Variants in OR14I1 observed in about 807,000 individuals in gnomAD.
The protein encoded by OR14I1 is olfactory receptor family 14 subfamily I member 1.
For synonymous variants in OR14I1, 118 were observed against 71.1 expected (o/e 1.66, Z -3.32); for missense variants, 279 against 181.8 (o/e 1.53, Z -3.07).
downstream of OR14I1, among the ~76,000 whole-genome samples, chr1:248,681,152 GTACTTTTA>G (rs199666933): frequency 0.01 from 1,567 of 151,866 alleles, 35 homozygotes; most frequent in African/African-American, 0.034. Context: ...TTTTATGAAG[GTACTTTTA>G]TACTTTTATA....
chr1:248,698,164 G>A, the OR14I1 span, among the ~76,000 whole-genome samples: 1 of 152,172 alleles, frequency 6.6e-6, no homozygotes, highest in East Asian at 1.9e-4. Context: ...TAACCATGTT[G>A]GTTGGTCTCT....
At chr1:248,695,180 ATTAC>A in the OR14I1 span, among the ~76,000 whole-genome samples, 2 of 149,636 alleles carry the variant, frequency 1.3e-5, no homozygotes, top group Admixed American at 6.6e-5. Flanking sequence ...AATTTTCAAA[ATTAC>A]TTTTTAAAGT....
the OR14I1 span, among the ~76,000 whole-genome samples, chr1:248,687,497 G>A: frequency 2.5e-3 from 378 of 150,966 alleles, 4 homozygotes; most frequent in South Asian, 0.012. Context: ...CACTAAATAC[G>A]ATCATTTGAA....
the OR14I1 span, chr1:248,692,906 CT>C: frequency 6.6e-6 from 1 of 152,318 alleles, no homozygotes; most frequent in Middle Eastern, 3.4e-3. Flanking sequence ...GTTTGTCTGT[CT>C]TTCTCCAGAG....
chr1:248,699,156 G>T, the OR14I1 span: 1 of 152,128 alleles, frequency 6.6e-6, no homozygotes, highest in Admixed American at 6.5e-5. Context: ...ATATTCAGTT[G>T]TCCATTTGTT....
chr1:248,702,284 C>CA, the OR14I1 span, among the ~76,000 whole-genome samples: 217 of 152,214 alleles, frequency 1.4e-3, 1 homozygote, highest in African/African-American at 5.0e-3. Context: ...CCTGTAATAT[C>CA]AAAAAACAAT....
upstream of OR14I1, among the ~76,000 whole-genome samples, chr1:248,686,650 CAT>C (rs752073090): frequency 8.2e-6 from 1 of 122,538 alleles, no homozygotes; most frequent in Admixed American, 7.8e-5. Flanking sequence ...TTTAAGCAAA[CAT>C]GTCTTGATTT....
chr1:248,702,392 A>G, the OR14I1 span, among the ~76,000 whole-genome samples: 21 of 152,188 alleles, frequency 1.4e-4, no homozygotes, highest in African/African-American at 4.8e-4. Context: ...CACTCTACAC[A>G]AGTGCTCCCT....
chr1:248,678,602 A>T (rs1256857069), downstream of OR14I1, among the ~76,000 whole-genome samples: 2 of 152,370 alleles, frequency 1.3e-5, no homozygotes, highest in East Asian at 3.9e-4. Context: ...TTACACGCAT[A>T]TTTCATTAAT....
downstream of OR14I1, chr1:248,681,308 A>G: frequency 1.7e-6 from 1 of 598,470 alleles, no homozygotes; most frequent in Non-Finnish European, 3.0e-6. Flanking sequence ...TTTTTGTCAT[A>G]AAGTATTTAT....
At chr1:248,690,880 A>T in the OR14I1 span, among the ~76,000 whole-genome samples, 5 of 152,198 alleles carry the variant, frequency 3.3e-5, no homozygotes, top group Non-Finnish European at 7.3e-5. Context: ...AGCACATCAA[A>T]AAGATTATCC....
the OR14I1 span, among the ~76,000 whole-genome samples, chr1:248,695,778 A>G: frequency 2.6e-5 from 4 of 152,194 alleles, no homozygotes; most frequent in African/African-American, 4.8e-5. Context: ...TGCAGGGCCC[A>G]TGGTAATATG....
chr1:248,686,898 T>C (rs924303721), upstream of OR14I1, among the ~76,000 whole-genome samples: 40 of 152,338 alleles, frequency 2.6e-4, no homozygotes, highest in Middle Eastern at 6.8e-3. Context: ...AACTCAGTGA[T>C]AGAGAAAACC....
At chr1:248,685,722 G>A (rs1661639813), upstream of OR14I1, among the ~76,000 whole-genome samples, 1 of 149,476 alleles carries the variant, frequency 6.7e-6, no homozygotes, top group African/African-American at 2.5e-5. Flanking sequence ...TACATGTATA[G>A]TATATATATA....
chr1:248,687,382 T>G, the OR14I1 span, among the ~76,000 whole-genome samples: 1 of 152,188 alleles, frequency 6.6e-6, no homozygotes, highest in Non-Finnish European at 1.5e-5. Flanking sequence ...GCACATAGAC[T>G]CTCAGAAAAT....
downstream of OR14I1, among the ~76,000 whole-genome samples, chr1:248,678,595 C>T (rs1310579804): frequency 1.3e-5 from 2 of 152,162 alleles, no homozygotes; most frequent in African/African-American, 4.8e-5. Context: ...TTTTAAATTA[C>T]ACGCATATTT....
upstream of OR14I1, among the ~76,000 whole-genome samples, chr1:248,687,159 AG>A (rs1661671547): frequency 6.6e-6 from 1 of 152,220 alleles, no homozygotes; most frequent in Non-Finnish European, 1.5e-5. Flanking sequence ...TCATTAAGAG[AG>A]TGAGGAGAGT....
the OR14I1 span, chr1:248,691,869 G>C: frequency 6.6e-6 from 1 of 152,180 alleles, no homozygotes; most frequent in Non-Finnish European, 1.5e-5. Context: ...CGGGCCCACA[G>C]CGCGCTGTGG....
upstream of OR14I1, chr1:248,682,367 A>G: frequency 1.5e-6 from 1 of 666,932 alleles, no homozygotes; most frequent in South Asian, 1.8e-5. Flanking sequence ...AAATGAGACA[A>G]AAAGTGAACA....
Sources: allele counts gnomAD v4.1 joint callset (sites outside exome capture counted in the v4.1 genomes callset), GRCh38; gene constraint gnomAD v4.1.1; transcripts MANE v1.5; gene names NCBI Gene and HGNC (gene_info 2026-07-23, HGNC 2026-07-21).